The following GPATCH2 variants were observed in gnomAD, a reference collection of about 807,000 sequenced individuals.
GPATCH2 encodes G-patch domain containing 2.
GPATCH2 carries 51 observed loss-of-function variants against 58.0 expected under a neutral mutation model. The ratio of observed to expected loss-of-function variants is 0.88; its 90% CI spans 0.70 to 1.11. GPATCH2 has a LOEUF of 1.11. Ranked by LOEUF, GPATCH2 falls within the 50% of genes most tolerant of loss-of-function variation. The pLI is 0.00. For synonymous variants in GPATCH2, 222 were observed against 218.5 expected (o/e 1.02, Z -0.14); for missense variants, 625 against 652.2 (o/e 0.96, Z 0.45).
At chr1:217,445,032 C>T (rs1284714401) in intron 9 of GPATCH2, among the ~76,000 whole-genome samples, 4 of 151,816 alleles carry the variant, frequency 2.6e-5, no homozygotes, top group Admixed American at 6.6e-5. Flanking sequence ...ATCAGTAGGA[C>T]GTGGAGAAAA....
At chr1:217,587,270 G>C (rs1667382467) in intron 5 of GPATCH2, among the ~76,000 whole-genome samples, 1 of 152,132 alleles carries the variant, frequency 6.6e-6, no homozygotes, top group African/African-American at 2.4e-5. Context: ...ATCTGCAAAA[G>C]TTCTACTTAA....
At chr1:217,549,784 C>T (rs553800713) in intron 5 of GPATCH2, among the ~76,000 whole-genome samples, 1 of 151,950 alleles carries the variant, frequency 6.6e-6, no homozygotes, top group Non-Finnish European at 1.5e-5. Context: ...CAAATCAATC[C>T]ATAAACTAAC....
Position 217,619,199 on chromosome 1 carries a change from A to G in GPATCH2, c.773+584T>C, listed in dbSNP as rs116149405. On this transcript the variant is annotated intron_variant, in intron 2 of 9. Transcript: ENST00000366935. ...GATGCTGTCAAAATAGTACTTAACA[A>G]TTATTGACAGATTAGATTTACTACC... Among the ~76,000 whole-genome samples, 862 of 152,248 alleles carry G rather than the reference A, an allele frequency of 5.7e-3. 8 individuals carry two copies. Among genetic ancestry groups the G allele is most frequent in the Middle Eastern group, 0.02 (6 of 294 alleles).
chr1:217,616,736 C>T (rs1201371113), intron 2 of GPATCH2, among the ~76,000 whole-genome samples: 2 of 152,240 alleles, frequency 1.3e-5, no homozygotes, highest in East Asian at 3.9e-4. Context: ...TGGAGATTCA[C>T]CTTTTTAGAG....
chr1:217,508,778 T>C (rs1662690844), intron 6 of GPATCH2, among the ~76,000 whole-genome samples: 1 of 152,154 alleles, frequency 6.6e-6, no homozygotes, highest in African/African-American at 2.4e-5. Context: ...GATACTAATT[T>C]CTCTAGCTGG....
chr1:217,574,039 C>T (rs1008566011), intron 5 of GPATCH2, among the ~76,000 whole-genome samples: 1 of 152,048 alleles, frequency 6.6e-6, no homozygotes, highest in African/African-American at 2.4e-5. Context: ...AGAAAAGCAA[C>T]GTGCAGTCTT....
At chr1:217,471,741 A>G (rs1660730563) in intron 8 of GPATCH2, among the ~76,000 whole-genome samples, 1 of 152,030 alleles carries the variant, frequency 6.6e-6, no homozygotes, top group Non-Finnish European at 1.5e-5. Flanking sequence ...GACTCCTTGT[A>G]GTGCTAATCA....
chr1:217,584,344 A>AAAAAAAAAAAAAATATATATAT lies in GPATCH2; in HGVS notation c.1098+25976_1098+25977insATATATATATTTTTTTTTTTTT, dbSNP rs1463910405. Among the ~76,000 whole-genome samples the AAAAAAAAAAAAAATATATATAT allele has an allele frequency of 6.0e-3, 599 of 100,668 alleles. 3 individuals are homozygous for AAAAAAAAAAAAAATATATATAT. The highest frequency in any genetic ancestry group is 0.011 in the East Asian group (18 of 1,594). The allele number at this position is 100,668 out of a possible 152,430, so 66.0% of individuals were successfully genotyped here. A position where few individuals can be genotyped will look rare whatever the true frequency, so the allele number is the denominator to read the frequency against. On this transcript the variant is annotated intron_variant, in intron 5 of 9. Coordinates refer to ENST00000366935, the MANE Select transcript of GPATCH2 (RefSeq NM_018040.5). ...CTCACCTCTACTAAAAAAAAAAAAAAATATATATATATATATATATACACA... is the reference window on the plus strand; with the variant it reads ...CTCACCTCTACTAAAAAAAAAAAAAAAAAAAAAAAAAAATATATATATATATATATATATATATATATACACA...
chr1:217,497,881 T>C (rs3790729), intron 7 of GPATCH2, among the ~76,000 whole-genome samples: 48,569 of 152,004 alleles, frequency 0.32, 8,373 homozygotes, highest in East Asian at 0.38. Context: ...CAACTAATCA[T>C]TGTGCTGCCA....
Position 217,502,128 on chromosome 1 carries a change from C to T in GPATCH2, c.1167-3733G>A, listed in dbSNP as rs189507867. On this transcript the variant is annotated intron_variant, in intron 6 of 9. Coordinates refer to ENST00000366935, the MANE Select transcript of GPATCH2 (RefSeq NM_018040.5). ...CACAGTCCTGAATACTGTAGCTATA[C>T]AGTAAGTACTGAAATCTGGTAGGAT... Among the ~76,000 whole-genome samples the T allele has an allele frequency of 4.4e-3, 669 of 152,160 alleles. 4 individuals carry two copies. Among genetic ancestry groups the T allele is most frequent in the Non-Finnish European group, 4.3e-3 (295 of 67,960 alleles).
At chr1:217,562,013 G>A (rs750528440) in intron 5 of GPATCH2, among the ~76,000 whole-genome samples, 1 of 152,114 alleles carries the variant, frequency 6.6e-6, no homozygotes, top group African/African-American at 2.4e-5. Flanking sequence ...GAACATACCT[G>A]AGCATACAAC....
At chr1:217,542,636 T>C (rs1664806544) in intron 5 of GPATCH2, among the ~76,000 whole-genome samples, 1 of 152,216 alleles carries the variant, frequency 6.6e-6, no homozygotes, top group Admixed American at 6.5e-5. Context: ...CCTTTAAGCC[T>C]GTGGATTCAA....
chr1:217,453,458 G>C (rs1048285123), intron 8 of GPATCH2, among the ~76,000 whole-genome samples: 3 of 152,118 alleles, frequency 2.0e-5, no homozygotes, highest in Non-Finnish European at 4.4e-5. Context: ...TTTGAAACAT[G>C]GTTTCCCAAG....
At chr1:217,506,702 G>A (rs575491091) in intron 6 of GPATCH2, among the ~76,000 whole-genome samples, 10 of 152,292 alleles carry the variant, frequency 6.6e-5, no homozygotes, top group African/African-American at 2.2e-4. Context: ...ACCAGACTTG[G>A]CATCATGTGC....
chr1:217,445,817 C>T (rs750388551), intron 9 of GPATCH2, among the ~76,000 whole-genome samples: 7 of 152,080 alleles, frequency 4.6e-5, no homozygotes, highest in East Asian at 1.9e-4. Flanking sequence ...CTTTCTAAAG[C>T]GACTGAAATT....
chr1:217,524,187 G>A (rs1487680809), intron 5 of GPATCH2, among the ~76,000 whole-genome samples: 1 of 145,916 alleles, frequency 6.9e-6, no homozygotes, highest in African/African-American at 2.5e-5. Flanking sequence ...AGACGGGGCG[G>A]CTGCTGGGCG....
At chr1:217,504,853 T>C (rs1662474073) in intron 6 of GPATCH2, among the ~76,000 whole-genome samples, 1 of 152,146 alleles carries the variant, frequency 6.6e-6, no homozygotes, top group Admixed American at 6.5e-5. Context: ...ACATGGAAAA[T>C]AAAAGTTGCT....
intron 9 of GPATCH2, among the ~76,000 whole-genome samples, chr1:217,439,230 A>G (rs1399660275): frequency 1.3e-5 from 2 of 152,134 alleles, no homozygotes; most frequent in Non-Finnish European, 2.9e-5. Context: ...AAACCACTCA[A>G]CTCCATGGAA....
intron 8 of GPATCH2, among the ~76,000 whole-genome samples, chr1:217,481,495 A>G (rs555748242): frequency 6.6e-6 from 1 of 152,184 alleles, no homozygotes; most frequent in African/African-American, 2.4e-5. Context: ...GTATTTTGTT[A>G]TAAGTTTATA....
Sources: allele counts gnomAD v4.1 joint callset (sites outside exome capture counted in the v4.1 genomes callset), GRCh38; gene constraint gnomAD v4.1.1; transcripts MANE v1.5; gene names NCBI Gene and HGNC (gene_info 2026-07-23, HGNC 2026-07-21).